Variants in GPHB5 observed in about 807,000 individuals in gnomAD.
The protein encoded by GPHB5 is glycoprotein hormone beta-5.
GPHB5 carries 7 observed loss-of-function variants against 10.1 expected under a neutral mutation model. The ratio of observed to expected loss-of-function variants is 0.69; its 90% CI spans 0.39 to 1.30. The LOEUF (loss-of-function observed/expected upper bound fraction) is 1.30. Ranked by LOEUF, GPHB5 falls within the 50% of genes most tolerant of loss-of-function variation. The pLI, the probability that GPHB5 is intolerant of heterozygous loss-of-function variation, is 0.01. For synonymous variants in GPHB5, 68 were observed against 70.1 expected, an observed-to-expected ratio of 0.97 and a Z score of 0.15; for missense variants, 161 against 169.8, an observed-to-expected ratio of 0.95 and a Z score of 0.29.
At chr14:63,315,757 T>C (rs377120747) in intron 2 of GPHB5, among the ~76,000 whole-genome samples, 1 of 152,344 alleles carries the variant, frequency 6.6e-6, no homozygotes, top group East Asian at 1.9e-4. Flanking sequence ...TTATTTATTT[T>C]CTATAGGTAA....
intron 1 of GPHB5, 136 bp from the exon 2 acceptor site, chr14:63,317,986 A>G (rs1882803530): frequency 6.8e-6 from 5 of 738,628 alleles, no homozygotes; most frequent in East Asian, 2.7e-5. Flanking sequence ...GAAATTGTAA[A>G]TGCCCACAAA....
intron 2 of GPHB5, among the ~76,000 whole-genome samples, chr14:63,315,680 C>A (rs1294030830): frequency 6.6e-6 from 1 of 152,180 alleles, no homozygotes; most frequent in Non-Finnish European, 1.5e-5. Flanking sequence ...AGATCCCCCC[C>A]ACCAAAAAAT....
rs778661616 is a variant in GPHB5, at chr14:63,317,804, G to T, written c.46C>A (p.Leu16Met). Residue 16 changes from leucine (L) to methionine (M), a missense_variant, in exon 2 of 3, where the codon CTG becomes ATG. Leu to Met is a conservative substitution (Grantham distance 15). Coordinates refer to ENST00000621500, the MANE Select transcript of GPHB5 (RefSeq NM_145171.4). The stretch of plus-strand genomic sequence containing the variant: ...CCGAGGACACAGCCATAGCCAGCCA[G>T]AAGGAGGAGGGCCATGGGGCCAAGG... Reference protein sequence around the residue: ...LFLGPMALLLLAGYGCVLGAS... With the variant: ...LFLGPMALLLMAGYGCVLGAS... 1 of 1,614,094 alleles carries T rather than the reference G, an allele frequency of 6.2e-7. No homozygotes were observed. The highest frequency in any genetic ancestry group is 8.5e-7 in the Non-Finnish European group (1 of 1,179,910).
Position 63,312,996 on chromosome 14 carries a change from A to G in GPHB5, c.325T>C (p.Tyr109His). 1.3e-6 allele frequency: 2 copies of G among 1,573,798 alleles called. No individual in the cohort carries two copies. Among genetic ancestry groups the G allele is most frequent in the South Asian group, 2.3e-5 (2 of 85,568 alleles). Reference protein sequence around the residue: ...CAPGVDPFYTYPVAIRCDCGA... With the variant: ...CAPGVDPFYTHPVAIRCDCGA... ...CAGTCACAGCGGATGGCCACGGGAT[A>G]GGTGTAGAAGGGGTCGACTCCCGGG... The change falls in exon 3 of 3, where the codon TAT becomes CAT. Residue 109 changes from tyrosine to histidine, a missense_variant. Transcript: ENST00000621500.
rs189620352 is a variant in GPHB5, at chr14:63,314,694, G to A, written c.205-1578C>T. On this transcript the variant is annotated intron_variant, in intron 2 of 2. Transcript: ENST00000621500. ...CCCAAAGTGCTGGGATTACAGGCGTGAGCCACCACGCCCAGCCAATCCATT... is the reference window on the plus strand; with the variant it reads ...CCCAAAGTGCTGGGATTACAGGCGTAAGCCACCACGCCCAGCCAATCCATT... 7.6e-4 allele frequency among the ~76,000 whole-genome samples: 115 copies of A among 151,936 alleles called. No individual in the cohort carries two copies. The Middle Eastern group carries it at 0.014, about 18-fold the overall frequency.
At position 63,312,876 on chromosome 14, in the gene GPHB5, T is replaced by C. The variant is rs769222219; in HGVS notation, c.*52A>G. The C allele has an allele frequency of 2.9e-5, 43 of 1,486,192 alleles. No homozygotes were observed. Among genetic ancestry groups the C allele is most frequent in the Non-Finnish European group, 3.8e-5 (42 of 1,101,742 alleles). 92.1% of individuals were successfully genotyped at this position (1,486,192 alleles called of 1,614,324 possible). ...TAAACAGTCTTGCATCCAGGAAGTA[T>C]AACTGCATGTGCTGCTCACACAGGT... On this transcript the variant is annotated 3_prime_UTR_variant, in exon 3 of 3. Transcript: ENST00000621500.
Position 63,317,671 on chromosome 14 carries a change from C to A in GPHB5, c.179G>T (p.Cys60Phe), listed in dbSNP as rs1322724706. ...CRGLRITTDA[C>F]WGRCETWEKP... ...CTCCCAGGTCTCACAGCGACCCCAG[C>A]AGGCATCCGTGGTGATCCGAAGGCC... is the stretch of plus-strand genomic sequence containing the variant. The change falls in exon 2 of 3, where the codon TGC becomes TTC. Residue 60 changes from cysteine to phenylalanine, a missense_variant. Cys to Phe is a radical substitution (Grantham distance 205). Coordinates refer to ENST00000621500, the MANE Select transcript of GPHB5 (RefSeq NM_145171.4). 6.2e-7 allele frequency: 1 copy of A among 1,614,044 alleles called. No individual in the cohort carries two copies. The highest frequency in any genetic ancestry group is 8.5e-7 in the Non-Finnish European group (1 of 1,179,888).
chr14:63,317,042 T>C (rs1882782737), intron 2 of GPHB5, among the ~76,000 whole-genome samples: 1 of 152,164 alleles, frequency 6.6e-6, no homozygotes, highest in Non-Finnish European at 1.5e-5. Flanking sequence ...TAAATGTCTC[T>C]AAAAAGGCCA....
intron 2 of GPHB5, among the ~76,000 whole-genome samples, chr14:63,316,832 T>G (rs1339399586): frequency 6.6e-6 from 1 of 152,188 alleles, no homozygotes; most frequent in Non-Finnish European, 1.5e-5. Flanking sequence ...TCAAGGTTTT[T>G]GGGCCAGGGA....
intron 2 of GPHB5, among the ~76,000 whole-genome samples, chr14:63,313,455 T>C (rs1324397279): frequency 4.6e-5 from 7 of 152,216 alleles, no homozygotes; most frequent in Non-Finnish European, 1.0e-4. Context: ...TGAGTGATCC[T>C]GTTTAAACCT....
chr14:63,316,126 C>A lies in GPHB5; in HGVS notation c.204+1520G>T, dbSNP rs982499174. 2.6e-5 allele frequency among the ~76,000 whole-genome samples: 4 copies of A among 152,154 alleles called. No individual in the cohort carries two copies. In the East Asian group the frequency reaches 7.7e-4, roughly 29 times the overall value. On this transcript the variant is annotated intron_variant, in intron 2 of 2. Transcript: ENST00000621500. The stretch of plus-strand genomic sequence containing the variant: ...CAGGCAAAGTCTACTTAGCAAAACC[C>A]GATTTTCATTGGGCTAGTAGGGCTC...
chr14:63,317,953 G>A (rs934136781), intron 1 of GPHB5, 103 bp from the exon 2 acceptor site: 13 of 1,011,756 alleles, frequency 1.3e-5, no homozygotes, highest in African/African-American at 3.2e-5. Context: ...CTTGCTCCTA[G>A]CATTTCAGGG....
chr14:63,315,401 G>C (rs1350157631), intron 2 of GPHB5, among the ~76,000 whole-genome samples: 1 of 152,166 alleles, frequency 6.6e-6, no homozygotes, highest in Non-Finnish European at 1.5e-5. Flanking sequence ...TACTGTATGA[G>C]ACAGACAGAC....
chr14:63,315,701 A>G lies in GPHB5; in HGVS notation c.204+1945T>C, dbSNP rs557769926. On this transcript the variant is annotated intron_variant, in intron 2 of 2. Coordinates refer to ENST00000621500, the MANE Select transcript of GPHB5 (RefSeq NM_145171.4). ...CCCCCACCAAAAAATCAAGTGCTTTATAGCGCAGAAACTTTCAGATTGCTG... is the reference window on the plus strand; with the variant it reads ...CCCCCACCAAAAAATCAAGTGCTTTGTAGCGCAGAAACTTTCAGATTGCTG... Among the ~76,000 whole-genome samples, 5 of 152,346 alleles carry G rather than the reference A, an allele frequency of 3.3e-5. No homozygotes were observed. In the East Asian group the frequency reaches 9.6e-4, roughly 29 times the overall value.
At position 63,312,983 on chromosome 14, in the gene GPHB5, A is replaced by T. The variant is rs1882696585; in HGVS notation, c.338T>A (p.Ile113Asn). The T allele has an allele frequency of 1.3e-6, 2 of 1,563,876 alleles. No individual in the cohort carries two copies. The highest frequency in any genetic ancestry group is 1.9e-5 in the Admixed American group (1 of 51,938). Residue 113 changes from isoleucine to asparagine, a missense_variant, in exon 3 of 3, where the codon ATC becomes AAC. Coordinates refer to ENST00000621500, the MANE Select transcript of GPHB5 (RefSeq NM_145171.4). The stretch of plus-strand genomic sequence containing the variant: ...GGAGCAGGCTCCGCAGTCACAGCGG[A>T]TGGCCACGGGATAGGTGTAGAAGGG... Reference protein sequence around the residue: ...VDPFYTYPVAIRCDCGACSTA... With the variant: ...VDPFYTYPVANRCDCGACSTA...
intron 1 of GPHB5, among the ~76,000 whole-genome samples, chr14:63,318,479 C>G (rs534006766): frequency 5.8e-4 from 88 of 152,294 alleles, no homozygotes; most frequent in African/African-American, 2.0e-3. Context: ...TGCTTCTGCT[C>G]TAGGCTTCCA....
chr14:63,315,145 G>T (rs1882750623), intron 2 of GPHB5, among the ~76,000 whole-genome samples: 1 of 151,892 alleles, frequency 6.6e-6, no homozygotes, highest in South Asian at 2.1e-4. Flanking sequence ...TCGAACTCCT[G>T]ACCTCATTAT....
At chr14:63,317,917 C>G in intron 1 of GPHB5, 67 bp from the exon 2 acceptor site, 2 of 1,432,090 alleles carry the variant, frequency 1.4e-6, no homozygotes, top group Non-Finnish European at 1.9e-6. Context: ...CACAGCCAAC[C>G]ATGCATTTGT....
chr14:63,314,306 C>A (rs184136439), intron 2 of GPHB5, among the ~76,000 whole-genome samples: 79 of 151,848 alleles, frequency 5.2e-4, no homozygotes, highest in African/African-American at 1.9e-3. Context: ...CCTGAAGACT[C>A]AAGTTTCCTC....
Sources: allele counts gnomAD v4.1 joint callset (sites outside exome capture counted in the v4.1 genomes callset), GRCh38; gene constraint gnomAD v4.1.1; transcripts MANE v1.5; gene names NCBI Gene and HGNC (gene_info 2026-07-23, HGNC 2026-07-21).